PPFIA2: variants seen among roughly 807,000 people sequenced by gnomAD.
PPFIA2 encodes the protein liprin-alpha-2.
In PPFIA2, 46 loss-of-function variants were observed where a neutral mutation model predicts 175.5. The ratio of observed to expected loss-of-function variants is 0.26; its 90% confidence interval spans 0.21 to 0.34. The LOEUF (loss-of-function observed/expected upper bound fraction) is 0.34, where lower values mean the gene tolerates loss of function less well. PPFIA2 is among the 10% of genes least tolerant of loss of function. The pLI, the probability that PPFIA2 is intolerant of heterozygous loss-of-function variation, is 1.00. For missense variants in PPFIA2, 1,179 were observed against 1,506.1 expected, an observed-to-expected ratio of 0.78 and a Z score of 3.60; for synonymous variants, 568 against 511.4, an observed-to-expected ratio of 1.11 and a Z score of -1.49.
chr12:81,449,435 T>C (rs2051980623), intron 5 of PPFIA2, among the ~76,000 whole-genome samples: 1 of 151,364 alleles, frequency 6.6e-6, no homozygotes, highest in Non-Finnish European at 1.5e-5. Flanking sequence ...AGAAACACCA[T>C]CTTACCGAGT....
At chr12:81,644,070 G>A (rs746036714) in intron 4 of PPFIA2, among the ~76,000 whole-genome samples, 1 of 151,902 alleles carries the variant, frequency 6.6e-6, no homozygotes, top group Admixed American at 6.6e-5. Context: ...AATGTTATGT[G>A]CATTAAACAT....
intron 22 of PPFIA2, among the ~76,000 whole-genome samples, chr12:81,317,181 G>T (rs2139415102): frequency 6.6e-6 from 1 of 151,644 alleles, no homozygotes; most frequent in Non-Finnish European, 1.5e-5. Context: ...ATGCACACAA[G>T]GAGGTAAGAG....
intron 3 of PPFIA2, among the ~76,000 whole-genome samples, chr12:81,697,276 T>C (rs1293373976): frequency 6.6e-6 from 1 of 152,128 alleles, no homozygotes; most frequent in Non-Finnish European, 1.5e-5. Flanking sequence ...CTTTAGGCTA[T>C]TCTGATTCAT....
chr12:81,404,996 T>C (rs1458690932), intron 8 of PPFIA2, among the ~76,000 whole-genome samples: 1 of 152,222 alleles, frequency 6.6e-6, no homozygotes, highest in Non-Finnish European at 1.5e-5. Context: ...CAAATGATTC[T>C]CCTGAGTTTC....
intron 4 of PPFIA2, among the ~76,000 whole-genome samples, chr12:81,524,542 T>C (rs1013242958): frequency 1.3e-5 from 2 of 152,222 alleles, no homozygotes; most frequent in Non-Finnish European, 2.9e-5. Context: ...CATTATATTT[T>C]GGAAGCACAT....
At chr12:81,723,243 C>A (rs2079588844) in intron 3 of PPFIA2, among the ~76,000 whole-genome samples, 1 of 151,080 alleles carries the variant, frequency 6.6e-6, no homozygotes, top group Non-Finnish European at 1.5e-5. Flanking sequence ...TCACTGCACT[C>A]TTCCTGCCTG....
chr12:81,264,816 T>C (rs1311916668), intron 30 of PPFIA2, among the ~76,000 whole-genome samples: 1 of 152,252 alleles, frequency 6.6e-6, no homozygotes, highest in Non-Finnish European at 1.5e-5. Flanking sequence ...TTCATTGCCC[T>C]AGATCTCCAA....
chr12:81,351,202 T>G (rs2059941668), intron 17 of PPFIA2, among the ~76,000 whole-genome samples: 1 of 152,152 alleles, frequency 6.6e-6, no homozygotes, highest in Non-Finnish European at 1.5e-5. Flanking sequence ...CAACAGTACA[T>G]TTTTTTCATA....
intron 8 of PPFIA2, among the ~76,000 whole-genome samples, chr12:81,385,470 G>T (rs780226291): frequency 6.6e-6 from 1 of 152,106 alleles, no homozygotes; most frequent in Non-Finnish European, 1.5e-5. Flanking sequence ...GTCTATCAAC[G>T]GATGAATGGA....
intron 4 of PPFIA2, among the ~76,000 whole-genome samples, chr12:81,588,643 C>T (rs2075610397): frequency 6.6e-6 from 1 of 152,072 alleles, no homozygotes; most frequent in African/African-American, 2.4e-5. Context: ...ATAAACCTGA[C>T]CTTTCCTCTT....
intron 4 of PPFIA2, among the ~76,000 whole-genome samples, chr12:81,463,774 A>C (rs2055083764): frequency 6.6e-6 from 1 of 152,144 alleles, no homozygotes; most frequent in African/African-American, 2.4e-5. Context: ...CTCTGAAATT[A>C]ATCTTTTCTA....
At chr12:81,405,526 AC>A (rs1281373488) in intron 8 of PPFIA2, among the ~76,000 whole-genome samples, 18 of 151,924 alleles carry the variant, frequency 1.2e-4, no homozygotes, top group Middle Eastern at 6.8e-3. Context: ...TAATTTAAAT[AC>A]TTTTAAGAAA....
At chr12:81,397,919 A>C (rs530597179) in intron 8 of PPFIA2, among the ~76,000 whole-genome samples, 1 of 151,554 alleles carries the variant, frequency 6.6e-6, no homozygotes, top group South Asian at 2.1e-4. Flanking sequence ...TAGGTTGTGC[A>C]CTCCTTATGA....
intron 4 of PPFIA2, among the ~76,000 whole-genome samples, chr12:81,484,610 C>A (rs558468288): frequency 6.6e-6 from 1 of 151,934 alleles, no homozygotes; most frequent in Non-Finnish European, 1.5e-5. Flanking sequence ...TAGAGTACTA[C>A]GGAAATGAAT....
chr12:81,602,605 C>A (rs2059908940), intron 4 of PPFIA2, among the ~76,000 whole-genome samples: 1 of 151,788 alleles, frequency 6.6e-6, no homozygotes, highest in African/African-American at 2.4e-5. Context: ...AAACATCTGG[C>A]TTTCAAAAAG....
chr12:81,566,831 T>A (rs1478424762), intron 4 of PPFIA2, among the ~76,000 whole-genome samples: 3 of 152,210 alleles, frequency 2.0e-5, no homozygotes, highest in Non-Finnish European at 4.4e-5. Context: ...TTCCACTTAC[T>A]ACATACACTT....
At chr12:81,581,436 G>A (rs2074385296) in intron 4 of PPFIA2, among the ~76,000 whole-genome samples, 1 of 151,760 alleles carries the variant, frequency 6.6e-6, no homozygotes, top group Non-Finnish European at 1.5e-5. Flanking sequence ...CTCCAAAGCT[G>A]CTTTGATTCC....
chr12:81,391,016 C>T (rs563106036), intron 8 of PPFIA2, among the ~76,000 whole-genome samples: 10 of 151,794 alleles, frequency 6.6e-5, no homozygotes, highest in African/African-American at 2.4e-4. Flanking sequence ...ACTTTGGTGT[C>T]AAGTGGAAGA....
chr12:81,560,203 G>A (rs555324081), intron 4 of PPFIA2, among the ~76,000 whole-genome samples: 2 of 151,686 alleles, frequency 1.3e-5, no homozygotes, highest in South Asian at 4.2e-4. Context: ...CAAAAGTACG[G>A]GCATGTCTTT....
Sources: allele counts gnomAD v4.1 joint callset (sites outside exome capture counted in the v4.1 genomes callset), GRCh38; gene constraint gnomAD v4.1.1; transcripts MANE v1.5; gene names NCBI Gene and HGNC (gene_info 2026-07-23, HGNC 2026-07-21).